POLQ: variants seen among roughly 807,000 people sequenced by gnomAD.
The protein encoded by POLQ is DNA polymerase theta.
A neutral mutation model predicts 259.2 loss-of-function variants in POLQ; 233 were observed. The observed-to-expected ratio is 0.90, with a 90% confidence interval of 0.81 to 1.00. The LOEUF is 1.00. POLQ is among the 50% of genes least tolerant of loss of function. POLQ has a pLI of 0.00. For missense variants in POLQ, 2,871 were observed against 3,051.6 expected (o/e 0.94, Z 1.39); for synonymous variants, 1,025 against 1,048.8 (o/e 0.98, Z 0.44).
Position 121,510,101 on chromosome 3 carries a change from C to G in POLQ, c.1754G>C (p.Cys585Ser). The change falls in exon 11 of 30, where the codon TGT (cysteine) becomes TCT (serine). Residue 585 changes from cysteine (C) to serine (S), a missense_variant. Cys to Ser is a moderately radical substitution (Grantham distance 112). This residue lies in a region of POLQ where 783 missense variants were observed against 906.2 expected (regional missense o/e 0.86). Transcript: ENST00000264233. ...ESVQLGAIEA[C>S]VMWLLENEFI... is the part of the protein sequence containing the mutation. ...TTCATTTTCTAGTAGCCACATCACA[C>G]AGGCCTCAATCGCTCCAAGCTGAAC... 6.2e-7 allele frequency: 1 copy of G among 1,614,164 alleles called. No homozygotes were observed. Among genetic ancestry groups the G allele is most frequent in the African/African-American group, 1.3e-5 (1 of 75,044 alleles).
At chr3:121,483,664 G>T in intron 17 of POLQ, 82 bp from the exon 18 acceptor site, 1 of 1,060,076 alleles carries the variant, frequency 9.4e-7, no homozygotes, top group Non-Finnish European at 1.3e-6. Context: ...ATCTTTAGTA[G>T]AAAGACTGAA....
chr3:121,527,099 C>T (rs1222585277), intron 7 of POLQ, among the ~76,000 whole-genome samples: 5 of 151,994 alleles, frequency 3.3e-5, no homozygotes, highest in African/African-American at 7.2e-5. Context: ...CTCGCTCCAT[C>T]GCCCAGGGTG....
At chr3:121,468,073 G>A (rs2047853329) in intron 23 of POLQ, among the ~76,000 whole-genome samples, 1 of 152,120 alleles carries the variant, frequency 6.6e-6, no homozygotes, top group African/African-American at 2.4e-5. Flanking sequence ...CTTTATCTGA[G>A]ACTCACTTTA....
intron 21 of POLQ, among the ~76,000 whole-genome samples, chr3:121,472,728 C>T (rs1044467029): frequency 1.3e-5 from 2 of 152,116 alleles, no homozygotes; most frequent in East Asian, 1.9e-4. Context: ...TAGGAGCAGA[C>T]AAATCATAGA....
At chr3:121,535,898 C>T (rs1473297362) in intron 5 of POLQ, among the ~76,000 whole-genome samples, 1 of 151,822 alleles carries the variant, frequency 6.6e-6, no homozygotes, top group Non-Finnish European at 1.5e-5. Flanking sequence ...AAGGGAATCC[C>T]AAGATGATTG....
At position 121,494,554 on chromosome 3, in the gene POLQ, C is replaced by G. The variant is rs541504980; in HGVS notation, c.2279-833G>C. On this transcript the variant is annotated intron_variant, in intron 14 of 29. Transcript: ENST00000264233. ...ACACCGTCACCACCTTGGTGGAGAA[C>G]AAGAAAGCTCAGCTGGTGGTGATTG... 4.4e-6 allele frequency: 7 copies of G among 1,581,624 alleles called. No individual in the cohort carries two copies. In the Admixed American group the frequency reaches 1.0e-4, roughly 23 times the overall value.
At position 121,522,630 on chromosome 3, in the gene POLQ, T is replaced by C. The variant is rs181166960; in HGVS notation, c.1109-481A>G. 1.7e-4 allele frequency among the ~76,000 whole-genome samples: 26 copies of C among 152,282 alleles called. No individual in the cohort carries two copies. The East Asian group carries it at 4.8e-3, about 28-fold the overall frequency. On this transcript the variant is annotated intron_variant, in intron 7 of 29. Transcript: ENST00000264233. The stretch of plus-strand genomic sequence containing the variant: ...CCGGCTGGAGATCTTTTAAGAATAC[T>C]GATGCCTGGTTCTTAATCCTGGACA...
chr3:121,509,332 C>A (rs749260915), intron 12 of POLQ, among the ~76,000 whole-genome samples: 1 of 152,018 alleles, frequency 6.6e-6, no homozygotes, highest in Non-Finnish European at 1.5e-5. Context: ...TAAAACAACT[C>A]AAATCTTTTT....
At chr3:121,445,054 G>A (rs955646014) in intron 26 of POLQ, among the ~76,000 whole-genome samples, 2 of 152,010 alleles carry the variant, frequency 1.3e-5, no homozygotes, top group African/African-American at 4.8e-5. Flanking sequence ...TTGGCCGGTA[G>A]GTAGGTTTTG....
chr3:121,543,683 C>T (rs1487922197), intron 2 of POLQ, among the ~76,000 whole-genome samples: 1 of 152,060 alleles, frequency 6.6e-6, no homozygotes, highest in Non-Finnish European at 1.5e-5. Context: ...GCCATAGTTG[C>T]CCATGAAAAC....
chr3:121,489,499 T>C lies in POLQ; in HGVS notation c.3432A>G (p.Lys1144=), dbSNP rs1164369363. ...VEHIVTGSQS[K]NVTCQATSVV... is the part of the protein sequence containing the mutation. Reference sequence around the variant, plus strand: ...CACTAGTGGCCTGACAAGTCACATTTTTACTCTGAGATCCTGTGACAATAT... The same window carrying C: ...CACTAGTGGCCTGACAAGTCACATTCTTACTCTGAGATCCTGTGACAATAT... Residue 1144 remains lysine (K), a synonymous_variant, in exon 16 of 30, where the codon AAA becomes AAG. Coordinates refer to ENST00000264233, the MANE Select transcript of POLQ (RefSeq NM_199420.4). 2 of 1,614,058 alleles carry C rather than the reference T, an allele frequency of 1.2e-6. No homozygotes were observed. The highest frequency in any genetic ancestry group is 4.5e-5 in the East Asian group (2 of 44,876).
intron 18 of POLQ, 47 bp downstream of exon 18, chr3:121,483,339 C>T: frequency 1.8e-6 from 2 of 1,084,402 alleles, no homozygotes; most frequent in Non-Finnish European, 1.3e-6. Flanking sequence ...AGAATTAACA[C>T]TAAAAATGTT....
rs552781488 is a variant in POLQ at position 121,542,793 on chromosome 3, C to CA, written c.344-1315dup. Reference sequence around the variant, plus strand: ...CAACACAGTGCCACCCCCATCTCTACAAAAAATTTAAACAAAAATTTTTTT... The same window carrying CA: ...CAACACAGTGCCACCCCCATCTCTACAAAAAAATTTAAACAAAAATTTTTTT... On this transcript the variant is annotated intron_variant, in intron 2 of 29. Coordinates refer to ENST00000264233, the MANE Select transcript of POLQ (RefSeq NM_199420.4). Among the ~76,000 whole-genome samples, 101 of 152,202 alleles carry CA rather than the reference C, an allele frequency of 6.6e-4. 1 individual carries two copies. Among genetic ancestry groups the CA allele is most frequent in the African/African-American group, 2.4e-3 (101 of 41,518 alleles).
intron 7 of POLQ, among the ~76,000 whole-genome samples, chr3:121,526,234 G>C (rs1244124333): frequency 2.0e-5 from 3 of 152,182 alleles, no homozygotes; most frequent in African/African-American, 7.2e-5. Context: ...TACTGGCAAT[G>C]TATTTCCTGA....
Position 121,440,015 on chromosome 3 carries a change from T to C in POLQ, c.7366A>G (p.Asn2456Asp). ...ACGTGAGCTTTACGATAAGGGTTGT[T>C]GTCTTTGATTCCTGGCAAATATCTA... ...RRRYLPGIKD[N>D]NPYRKAHAER... Residue 2456 changes from asparagine (N) to aspartate (D), a missense_variant, in exon 27 of 30, where the codon AAC becomes GAC. Transcript: ENST00000264233. 5 of 1,613,824 alleles carry C rather than the reference T, an allele frequency of 3.1e-6. No homozygotes were observed. The highest frequency in any genetic ancestry group is 4.2e-6 in the Non-Finnish European group (5 of 1,179,768).
At position 121,490,034 on chromosome 3, in the gene POLQ, G is replaced by C. The variant is rs1193836031; in HGVS notation, c.2897C>G (p.Thr966Arg). 7 of 1,574,678 alleles carry C rather than the reference G, an allele frequency of 4.4e-6. No homozygotes were observed. The highest frequency in any genetic ancestry group is 2.0e-5 in the Admixed American group (1 of 50,790). The change falls in exon 16 of 30, where the codon ACA (threonine) becomes AGA (arginine). Residue 966 changes from threonine to arginine, a missense_variant. Thr to Arg is a moderately conservative substitution (Grantham distance 71). Around this residue, in one of 3 missense-constraint regions of POLQ, gnomAD observed 2,080 missense variants for 2,126.0 expected, o/e 0.98. Coordinates refer to ENST00000264233, the MANE Select transcript of POLQ (RefSeq NM_199420.4). ...VQDLNKSREH[T>R]SSFNCNFQNG... ...CTGGAAATTACAATTAAAGGAACTT[G>C]TATGCTCTCTACTTTTATTTAAGTC...
intron 25 of POLQ, among the ~76,000 whole-genome samples, chr3:121,454,129 C>T (rs1056257194): frequency 1.3e-5 from 2 of 152,172 alleles, no homozygotes; most frequent in Non-Finnish European, 2.9e-5. Context: ...TCCAGCCAAA[C>T]TAAGCTTCAT....
At chr3:121,433,125 A>G in intron 28 of POLQ, 92 bp from the exon 29 acceptor site, 1 of 726,270 alleles carries the variant, frequency 1.4e-6, no homozygotes, top group East Asian at 2.6e-5. Flanking sequence ...GAGGAATTTT[A>G]ATGAGAAGAT....
intron 26 of POLQ, among the ~76,000 whole-genome samples, chr3:121,449,100 C>T (rs1048000678): frequency 6.6e-6 from 1 of 152,176 alleles, no homozygotes; most frequent in African/African-American, 2.4e-5. Flanking sequence ...ACATCAACTA[C>T]ATTTTACTAT....
Sources: gnomAD v4.1 joint callset for allele counts (sites outside exome capture counted in the v4.1 genomes callset) on GRCh38, gnomAD v4.1.1 for gene constraint, gnomAD v4.1.1 regional missense constraint, MANE v1.5 for transcripts, NCBI Gene and HGNC (gene_info 2026-07-23, HGNC 2026-07-21) for gene names.